Variants in DNAJC6 observed in about 807,000 individuals in gnomAD.
The protein encoded by DNAJC6 is DnaJ heat shock protein family (Hsp40) member C6.
Under a neutral mutation model 110.0 loss-of-function variants are expected in DNAJC6, and 34 were observed. The ratio of observed to expected loss-of-function variants is 0.31; its 90% CI spans 0.24 to 0.41. DNAJC6 has a LOEUF of 0.41. Ranked by LOEUF, DNAJC6 falls within the 10% of genes least tolerant of loss-of-function variation. The probability of loss-of-function intolerance (pLI) is 1.00; values close to 1 mark genes in which losing one functional copy is unlikely to be tolerated. For missense variants in DNAJC6, 1,031 were observed against 1,207.8 expected (o/e 0.85, Z 2.17); for synonymous variants, 406 against 437.2 (o/e 0.93, Z 0.89).
At chr1:65,370,326 A>G (rs555381272) in intron 4 of DNAJC6, among the ~76,000 whole-genome samples, 4 of 152,280 alleles carry the variant, frequency 2.6e-5, no homozygotes, top group South Asian at 4.1e-4. Flanking sequence ...TATATTCCCA[A>G]TGTTGCATAA....
intron 1 of DNAJC6, among the ~76,000 whole-genome samples, chr1:65,287,028 C>T (rs995746051): frequency 6.6e-6 from 1 of 152,124 alleles, no homozygotes; most frequent in Non-Finnish European, 1.5e-5. Flanking sequence ...TAATGCTTAC[C>T]TAAAATGTAT....
chr1:65,373,763 C>G (rs1394303024), intron 4 of DNAJC6, among the ~76,000 whole-genome samples: 2 of 151,862 alleles, frequency 1.3e-5, no homozygotes, highest in East Asian at 3.9e-4. Context: ...GTTTGCTTTG[C>G]TTTGCAGAAG....
chr1:65,390,619 G>A (rs950705051), intron 11 of DNAJC6, among the ~76,000 whole-genome samples: 30 of 152,218 alleles, frequency 2.0e-4, no homozygotes, highest in African/African-American at 6.7e-4. Context: ...CAGTGTTTGG[G>A]TATGAAAGGC....
chr1:65,287,671 A>G (rs1227468644), intron 1 of DNAJC6, among the ~76,000 whole-genome samples: 1 of 152,142 alleles, frequency 6.6e-6, no homozygotes, highest in African/African-American at 2.4e-5. Context: ...GCGCACAATC[A>G]GGGCTCACTG....
At chr1:65,335,349 T>G (rs1327047174) in intron 1 of DNAJC6, among the ~76,000 whole-genome samples, 1 of 151,828 alleles carries the variant, frequency 6.6e-6, no homozygotes, top group African/African-American at 2.4e-5. Flanking sequence ...CTCCTGACTT[T>G]GTGATCCGCC....
chr1:65,273,628 T>TAA (rs1165669655), intron 1 of DNAJC6, among the ~76,000 whole-genome samples: 2 of 152,174 alleles, frequency 1.3e-5, no homozygotes, highest in Non-Finnish European at 2.9e-5. Context: ...GCTATATATA[T>TAA]AATATCCTTT....
At chr1:65,341,795 G>A (rs567642554) in intron 1 of DNAJC6, among the ~76,000 whole-genome samples, 1 of 152,178 alleles carries the variant, frequency 6.6e-6, no homozygotes, top group African/African-American at 2.4e-5. Flanking sequence ...GTGCCTGTGG[G>A]GTGGGTGGGA....
intron 1 of DNAJC6, among the ~76,000 whole-genome samples, chr1:65,359,779 T>C (rs1645580889): frequency 6.6e-6 from 1 of 152,230 alleles, no homozygotes; most frequent in Non-Finnish European, 1.5e-5. Flanking sequence ...CCGTAAGATC[T>C]GTGGCACTAC....
chr1:65,308,018 T>A (rs751682212), upstream of DNAJC6, among the ~76,000 whole-genome samples: 1 of 152,202 alleles, frequency 6.6e-6, no homozygotes, highest in Non-Finnish European at 1.5e-5. Flanking sequence ...TTCTGGTTGA[T>A]GCTCTTCCTA....
chr1:65,414,430 A>G lies in DNAJC6; in HGVS notation c.*1405A>G, dbSNP rs924883489. 2 of 152,670 alleles carry G rather than the reference A, an allele frequency of 1.3e-5. No individual in the cohort carries two copies. The highest frequency in any genetic ancestry group is 4.8e-5 in the African/African-American group (2 of 41,458). 9.5% of individuals were successfully genotyped at this position (152,670 alleles called of 1,614,324 possible). On this transcript the variant is annotated 3_prime_UTR_variant, in exon 19 of 19. Coordinates refer to ENST00000371069, the MANE Select transcript of DNAJC6 (RefSeq NM_001256864.2). ...AGATGGGCAAAAAGATTTTCATGCT[A>G]ATCTTCAAAGGTTCATGCTCAATAT...
rs184811830 is a variant in DNAJC6 at position 65,383,176 on chromosome 1, T to G, written c.667-1017T>G. ...TTAAAGTGTTCTAGAAGAAGCTAGG[T>G]CACATCTGTCAGGGATGTTACTGAA... On this transcript the variant is annotated intron_variant, in intron 5 of 18. Transcript: ENST00000371069. 4.6e-5 allele frequency among the ~76,000 whole-genome samples: 7 copies of G among 152,324 alleles called. No individual in the cohort carries two copies. The East Asian group carries it at 1.4e-3, about 29-fold the overall frequency.
rs546781636 is a variant in DNAJC6 at position 65,376,025 on chromosome 1, T to G, written c.544-3377T>G. Among the ~76,000 whole-genome samples, 5 of 152,336 alleles carry G rather than the reference T, an allele frequency of 3.3e-5. No homozygotes were observed. The South Asian group carries it at 8.3e-4, about 25-fold the overall frequency. ...AGTGAATCCGTCAGGACCTGGGCCT[T>G]TCTTTGATAGGAGAATTTTTATACA... On this transcript the variant is annotated intron_variant, in intron 4 of 18. Transcript: ENST00000371069.
chr1:65,369,596 T>C (rs573727380), intron 4 of DNAJC6, among the ~76,000 whole-genome samples: 1 of 152,294 alleles, frequency 6.6e-6, no homozygotes, highest in African/African-American at 2.4e-5. Flanking sequence ...ATTTTTTATT[T>C]ATAAACTCGT....
intron 1 of DNAJC6, among the ~76,000 whole-genome samples, chr1:65,269,046 G>A (rs543666738): frequency 6.6e-6 from 1 of 152,004 alleles, no homozygotes; most frequent in Non-Finnish European, 1.5e-5. Flanking sequence ...AGCAAACAAA[G>A]TTACACATAA....
chr1:65,279,450 C>A (rs905337664), intron 1 of DNAJC6: 1 of 152,024 alleles, frequency 6.6e-6, no homozygotes, highest in Non-Finnish European at 1.5e-5. Context: ...AAGACTATTT[C>A]TGATCTGGTT....
chr1:65,369,000 C>T (rs954329348), intron 4 of DNAJC6, among the ~76,000 whole-genome samples: 1 of 151,972 alleles, frequency 6.6e-6, no homozygotes. Flanking sequence ...GAACTCCTGG[C>T]CTTAAGTGAT....
chr1:65,368,415 A>T (rs1645669615), intron 4 of DNAJC6, among the ~76,000 whole-genome samples: 1 of 152,096 alleles, frequency 6.6e-6, no homozygotes. Flanking sequence ...ACACAGACAC[A>T]CACAATCTTC....
upstream of DNAJC6, among the ~76,000 whole-genome samples, chr1:65,308,469 T>G (rs1645065060): frequency 1.3e-5 from 2 of 152,190 alleles, no homozygotes. Flanking sequence ...AAAATAAACA[T>G]TCGATAATTA....
chr1:65,336,798 A>T (rs531910189), intron 1 of DNAJC6, among the ~76,000 whole-genome samples: 64 of 152,342 alleles, frequency 4.2e-4, no homozygotes, highest in African/African-American at 1.5e-3. Flanking sequence ...CTGTCACAAC[A>T]TTCTCATCTC....
Sources: allele counts gnomAD v4.1 joint callset (sites outside exome capture counted in the v4.1 genomes callset), GRCh38; gene constraint gnomAD v4.1.1; transcripts MANE v1.5; gene names NCBI Gene and HGNC (gene_info 2026-07-23, HGNC 2026-07-21).